Variants in KCNN2 observed in about 807,000 individuals in gnomAD.
KCNN2 encodes the protein small conductance calcium-activated potassium channel protein 2.
KCNN2 carries 24 observed loss-of-function variants against 55.5 expected under a neutral mutation model. The observed-to-expected ratio is 0.43, with a 90% CI of 0.31 to 0.61. KCNN2 has a LOEUF of 0.61. Ranked by LOEUF, KCNN2 falls within the 20% of genes least tolerant of loss-of-function variation. The pLI is 0.08. For synonymous variants in KCNN2, 431 were observed against 336.1 expected, an observed-to-expected ratio of 1.28 and a Z score of -3.09; for missense variants, 754 against 853.6, an observed-to-expected ratio of 0.88 and a Z score of 1.45.
At chr5:114,311,708 G>C (rs754251357) in intron 2 of KCNN2, among the ~76,000 whole-genome samples, 15 of 152,078 alleles carry the variant, frequency 9.9e-5, no homozygotes, top group Non-Finnish European at 2.1e-4. Context: ...GTTTATTACT[G>C]TTGTAACTAA....
intron 2 of KCNN2, among the ~76,000 whole-genome samples, chr5:114,379,428 A>G (rs1032352175): frequency 1.4e-5 from 2 of 138,984 alleles, no homozygotes; most frequent in African/African-American, 5.1e-5. Flanking sequence ...GATAAATATT[A>G]TATAACATAT....
At chr5:114,391,881 T>C (rs1258196488) in intron 2 of KCNN2, among the ~76,000 whole-genome samples, 1 of 152,114 alleles carries the variant, frequency 6.6e-6, no homozygotes, top group Admixed American at 6.6e-5. Context: ...GTGACTCTTT[T>C]GGTCTGTTTT....
rs143993536 is a variant in KCNN2 at position 114,249,272 on chromosome 5, T to C, written c.-185+27707T>C. 3.5e-3 allele frequency among the ~76,000 whole-genome samples: 198 copies of C among 57,200 alleles called. 1 individual carries two copies. The highest frequency in any genetic ancestry group is 8.6e-3 in the African/African-American group (186 of 21,594). The allele number at this position is 57,200 out of a possible 152,430, so 37.5% of individuals were successfully genotyped here. ...ACGAAAGTTCTCAGTATATTTCTTT[T>C]TCTTTCTTTCTTTCTTTCTTTTTTT... On this transcript the variant is annotated intron_variant, in intron 2 of 10. Coordinates refer to the KCNN2 transcript ENST00000512097.
intron 5 of KCNN2, among the ~76,000 whole-genome samples, chr5:114,477,600 C>T (rs1475483609): frequency 6.6e-6 from 1 of 152,046 alleles, no homozygotes; most frequent in Non-Finnish European, 1.5e-5. Context: ...TAAGACAGGA[C>T]CAGCTATTTA....
At chr5:114,435,510 G>T (rs539097209) in intron 3 of KCNN2, among the ~76,000 whole-genome samples, 8 of 152,044 alleles carry the variant, frequency 5.3e-5, no homozygotes, top group African/African-American at 1.9e-4. Context: ...ATTCTATCAG[G>T]TGGATTGTGT....
At chr5:114,248,665 CAT>C (rs1754797057) in intron 2 of KCNN2, among the ~76,000 whole-genome samples, 1 of 152,100 alleles carries the variant, frequency 6.6e-6, no homozygotes, top group Non-Finnish European at 1.5e-5. Context: ...GAGAAGAAAA[CAT>C]AATCTTTGAA....
intron 1 of KCNN2, among the ~76,000 whole-genome samples, chr5:114,063,926 A>C (rs556814342): frequency 1.3e-5 from 2 of 152,340 alleles, no homozygotes; most frequent in Admixed American, 1.3e-4. Flanking sequence ...CTGTGAAATG[A>C]CAGGTAACCA....
At chr5:114,274,125 G>A (rs1428301198) in intron 2 of KCNN2, among the ~76,000 whole-genome samples, 3 of 152,272 alleles carry the variant, frequency 2.0e-5, no homozygotes, top group South Asian at 2.1e-4. Flanking sequence ...GTGTGTGTTA[G>A]GTTTGTCAAA....
Position 114,193,275 on chromosome 5 carries a change from C to T in KCNN2, c.-270-28205C>T, listed in dbSNP as rs182361042. On this transcript the variant is annotated intron_variant, in intron 1 of 10. Transcript: ENST00000512097. ...GATTTCCTGGATGGGGAACTGGACTCGTTTTACTCCAGTCATGCTTTATGT... is the reference window on the plus strand; with the variant it reads ...GATTTCCTGGATGGGGAACTGGACTTGTTTTACTCCAGTCATGCTTTATGT... Among the ~76,000 whole-genome samples, 376 of 152,140 alleles carry T rather than the reference C, an allele frequency of 2.5e-3. 3 individuals are homozygous for T. The highest frequency in any genetic ancestry group is 4.2e-3 in the Non-Finnish European group (284 of 67,978).
At chr5:114,272,583 G>T (rs1313222515) in intron 2 of KCNN2, among the ~76,000 whole-genome samples, 1 of 152,006 alleles carries the variant, frequency 6.6e-6, no homozygotes, top group African/African-American at 2.4e-5. Context: ...ATAAACTCCA[G>T]CTTTTTTCAT....
At chr5:114,309,095 T>A (rs1053920413) in intron 2 of KCNN2, among the ~76,000 whole-genome samples, 2 of 152,202 alleles carry the variant, frequency 1.3e-5, no homozygotes, top group Non-Finnish European at 2.9e-5. Context: ...TATATTCTTA[T>A]CACTAGTGAA....
In KCNN2 at chr5:114,235,189, C is replaced by G. The variant is rs997334502; in HGVS notation, c.-185+13624C>G. On this transcript the variant is annotated intron_variant, in intron 2 of 10. Transcript: ENST00000512097. ...ATAAACACATGATTAACCTAACTACCATTTGAGGCAAAGTAGCACAGTCAC... is the reference window on the plus strand; with the variant it reads ...ATAAACACATGATTAACCTAACTACGATTTGAGGCAAAGTAGCACAGTCAC... 5.3e-5 allele frequency among the ~76,000 whole-genome samples: 8 copies of G among 152,258 alleles called. 2 individuals are homozygous for G. In the South Asian group the frequency reaches 1.0e-3, roughly 20 times the overall value.
chr5:114,236,659 A>G (rs1330814068), intron 2 of KCNN2, among the ~76,000 whole-genome samples: 7 of 152,120 alleles, frequency 4.6e-5, no homozygotes, highest in Admixed American at 4.6e-4. Context: ...CCAGGCCAAT[A>G]TCATCCCGAC....
At chr5:114,082,513 T>A (rs1750847778) in intron 1 of KCNN2, among the ~76,000 whole-genome samples, 1 of 152,162 alleles carries the variant, frequency 6.6e-6, no homozygotes, top group Non-Finnish European at 1.5e-5. Context: ...GTATACCTAC[T>A]GTGGAAAATA....
upstream of KCNN2, among the ~76,000 whole-genome samples, chr5:114,360,530 T>A (rs1284673180): frequency 6.6e-6 from 1 of 152,210 alleles, no homozygotes. Flanking sequence ...CCAATTTCTT[T>A]CACCTTCTTT....
At chr5:114,395,484 A>G (rs1264414759) in intron 2 of KCNN2, among the ~76,000 whole-genome samples, 1 of 152,208 alleles carries the variant, frequency 6.6e-6, no homozygotes, top group Non-Finnish European at 1.5e-5. Flanking sequence ...TAACAACCTC[A>G]GAATTGAAAA....
At chr5:114,325,456 T>C (rs1756696113) in intron 2 of KCNN2, among the ~76,000 whole-genome samples, 1 of 152,214 alleles carries the variant, frequency 6.6e-6, no homozygotes. Flanking sequence ...AGCCTTTTGC[T>C]AATAGTTGAG....
intron 2 of KCNN2, among the ~76,000 whole-genome samples, chr5:114,289,773 C>T (rs1755844283): frequency 6.6e-6 from 1 of 152,150 alleles, no homozygotes; most frequent in Non-Finnish European, 1.5e-5. Context: ...GCCATCTTAA[C>T]AGAATTAATA....
intron 2 of KCNN2, among the ~76,000 whole-genome samples, chr5:114,285,917 CTTTT>C (rs5870595): frequency 5.2e-5 from 7 of 134,732 alleles, no homozygotes; most frequent in Admixed American, 7.4e-5. Flanking sequence ...ATTTGGGAAG[CTTTT>C]TTTTTTTTTT....
Sources: allele counts gnomAD v4.1 joint callset (sites outside exome capture counted in the v4.1 genomes callset), GRCh38; gene constraint gnomAD v4.1.1; transcripts MANE v1.5; gene names NCBI Gene and HGNC (gene_info 2026-07-23, HGNC 2026-07-21).